The following ZBED6 variants were observed in gnomAD, a reference collection of about 807,000 sequenced individuals.
ZBED6 encodes the protein zinc finger BED domain-containing protein 6.
ZBED6 carries 40 observed loss-of-function variants against 58.4 expected under a neutral mutation model. The ratio of observed to expected loss-of-function variants is 0.68; its 90% CI spans 0.53 to 0.89. The LOEUF (loss-of-function observed/expected upper bound fraction) is 0.89, where lower values mean the gene tolerates loss of function less well. ZBED6 is among the 40% of genes least tolerant of loss of function. The pLI, the probability that ZBED6 is intolerant of heterozygous loss-of-function variation, is 0.00. For synonymous variants in ZBED6, 439 were observed against 350.6 expected, an observed-to-expected ratio of 1.25 and a Z score of -2.82; for missense variants, 1,057 against 1,003.9, an observed-to-expected ratio of 1.05 and a Z score of -0.71.
intron 2 of ZBED6, among the ~76,000 whole-genome samples, chr1:203,817,504 C>T (rs1676748205): frequency 6.7e-6 from 1 of 150,214 alleles, no homozygotes; most frequent in African/African-American, 2.4e-5. Flanking sequence ...GTTGTACTTC[C>T]AGAAACTGTC....
chr1:203,818,165 G>A (rs370990300), intron 2 of ZBED6, among the ~76,000 whole-genome samples: 4 of 152,052 alleles, frequency 2.6e-5, no homozygotes, highest in African/African-American at 7.2e-5. Flanking sequence ...AGTATGCAGT[G>A]GAGCACAGTT....
chr1:203,845,161 C>T (rs566043855), intron 11 of ZBED6, among the ~76,000 whole-genome samples: 1 of 152,292 alleles, frequency 6.6e-6, no homozygotes, highest in South Asian at 2.1e-4. Flanking sequence ...CAGACATCTG[C>T]TTTCTGTTTT....
intron 4 of ZBED6, chr1:203,829,211 CTTCTGTTGA>C (rs1397501155): frequency 1.8e-6 from 1 of 555,948 alleles, no homozygotes; most frequent in African/African-American, 1.9e-5. Flanking sequence ...TTCTTCTAGT[CTTCTGTTGA>C]TTCTGTTTTG....
chr1:203,815,275 C>T (rs148048109), intron 1 of ZBED6, among the ~76,000 whole-genome samples: 1,370 of 123,576 alleles, frequency 0.011, 48 homozygotes, highest in Admixed American at 0.1. Context: ...AGTGCAGTGG[C>T]GCAATGTCAG....
exon 1 of ZBED6, chr1:203,800,108 T>G: frequency 5.2e-6 from 8 of 1,536,132 alleles, no homozygotes; most frequent in Non-Finnish European, 7.0e-6. Context: ...TGTTCCCTTC[T>G]GCTGTAGCAG....
chr1:203,796,410 C>T lies in ZBED6; in HGVS notation c.-1113C>T, dbSNP rs574221779. On this transcript the variant is annotated 5_prime_UTR_variant, in exon 1 of 17. Transcript: ENST00000550078. ...CACTCCCACCCCTGGCCCTCAGCGTCGGAGTCAAGAGCAACAGGGACACTT... is the reference window on the plus strand; with the variant it reads ...CACTCCCACCCCTGGCCCTCAGCGTTGGAGTCAAGAGCAACAGGGACACTT... The T allele has an allele frequency of 1.5e-4, 61 of 399,090 alleles. 1 individual carries two copies. In the South Asian group the frequency reaches 4.8e-3, roughly 32 times the overall value. The allele number at this position is 399,090 out of a possible 1,614,324, so 24.7% of individuals were successfully genotyped here.
chr1:203,802,963 T>C (rs971933293), exon 1 of ZBED6: 1 of 152,560 alleles, frequency 6.6e-6, no homozygotes, highest in African/African-American at 2.4e-5. Context: ...ACAGGCGTAA[T>C]AGATTGGAAC....
chr1:203,848,498 C>A, intron 13 of ZBED6, 91 bp downstream of exon 13: 2 of 888,772 alleles, frequency 2.3e-6, no homozygotes, highest in Non-Finnish European at 3.5e-6. Context: ...CTAAGTACTT[C>A]ATTCATATAT....
chr1:203,805,936 C>T, intron 1 of ZBED6: 1 of 650,574 alleles, frequency 1.5e-6, no homozygotes, highest in East Asian at 3.6e-5. Flanking sequence ...TTCCTTTGCT[C>T]CCAGTTTCAT....
exon 1 of ZBED6, chr1:203,799,876 G>A (rs367894958): frequency 2.6e-6 from 4 of 1,535,672 alleles, no homozygotes; most frequent in South Asian, 1.2e-5. Context: ...TTTCCTCAAG[G>A]TGCTGATTTA....
At chr1:203,848,159 A>G (rs552185775) in intron 12 of ZBED6, among the ~76,000 whole-genome samples, 172 bp from the exon 13 acceptor site, 1 of 152,242 alleles carries the variant, frequency 6.6e-6, no homozygotes, top group Non-Finnish European at 1.5e-5. Context: ...TGCCCGGCCA[A>G]CCTTTGCTAT....
chr1:203,843,347 G>A (rs1417946286), intron 11 of ZBED6, among the ~76,000 whole-genome samples: 1 of 152,076 alleles, frequency 6.6e-6, no homozygotes, highest in Admixed American at 6.6e-5. Flanking sequence ...TTTCTTTTGA[G>A]TATGACTGCC....
At chr1:203,829,883 C>G in exon 6 of ZBED6, 1 of 1,613,646 alleles carries the variant, frequency 6.2e-7, no homozygotes, top group Non-Finnish European at 8.5e-7. Flanking sequence ...AACCTGCAGT[C>G]AATATAAAGC....
At chr1:203,817,907 C>G (rs943539288) in intron 2 of ZBED6, among the ~76,000 whole-genome samples, 1 of 152,022 alleles carries the variant, frequency 6.6e-6, no homozygotes, top group Non-Finnish European at 1.5e-5. Context: ...CGCCTGCCAC[C>G]ACACCCAGCT....
exon 1 of ZBED6, chr1:203,798,007 A>G (rs1484946366): frequency 6.5e-7 from 1 of 1,534,136 alleles, no homozygotes; most frequent in Non-Finnish European, 8.7e-7. Context: ...AGCAGGGGTA[A>G]ACCAGGTAGC....
chr1:203,812,371 C>A (rs1160827814), intron 1 of ZBED6, among the ~76,000 whole-genome samples: 1 of 152,096 alleles, frequency 6.6e-6, no homozygotes, highest in Non-Finnish European at 1.5e-5. Flanking sequence ...TGAGAACATG[C>A]TGTATTTGGT....
chr1:203,842,001 G>GAT (rs1686457070), intron 11 of ZBED6, among the ~76,000 whole-genome samples: 1 of 146,886 alleles, frequency 6.8e-6, no homozygotes, highest in African/African-American at 2.6e-5. Flanking sequence ...CATCCCAGAC[G>GAT]GGGCGGCAGG....
At chr1:203,840,139 A>G (rs1051609494) in intron 10 of ZBED6, among the ~76,000 whole-genome samples, 167 bp from the exon 11 acceptor site, 1 of 151,734 alleles carries the variant, frequency 6.6e-6, no homozygotes. Context: ...GGGTTTCACC[A>G]TGTTGGCCAG....
intron 3 of ZBED6, among the ~76,000 whole-genome samples, chr1:203,823,991 G>A (rs1484651800): frequency 3.3e-5 from 5 of 152,082 alleles, no homozygotes; most frequent in African/African-American, 9.7e-5. Flanking sequence ...GAGGGAAGCC[G>A]GGCGCCGTGG....
Sources: gnomAD v4.1 joint callset for allele counts (sites outside exome capture counted in the v4.1 genomes callset) on GRCh38, gnomAD v4.1.1 for gene constraint, MANE v1.5 for transcripts, NCBI Gene and HGNC (gene_info 2026-07-23, HGNC 2026-07-21) for gene names.